MED13: variants seen among roughly 807,000 people sequenced by gnomAD.
MED13 encodes the protein mediator complex subunit 13.
In MED13, 23 loss-of-function variants were observed where a neutral mutation model predicts 225.2. The ratio of observed to expected loss-of-function variants is 0.10; its 90% CI spans 0.07 to 0.14. The LOEUF (loss-of-function observed/expected upper bound fraction) is 0.14. MED13 is among the 10% of genes least tolerant of loss of function. The probability of loss-of-function intolerance (pLI) is 1.00; values close to 1 mark genes in which losing one functional copy is unlikely to be tolerated. For missense variants in MED13, 2,197 were observed against 2,594.5 expected, an observed-to-expected ratio of 0.85 and a Z score of 3.33; for synonymous variants, 942 against 889.2, an observed-to-expected ratio of 1.06 and a Z score of -1.06.
At chr17:61,958,392 G>A (rs1476719027) in intron 23 of MED13, among the ~76,000 whole-genome samples, 1 of 151,862 alleles carries the variant, frequency 6.6e-6, no homozygotes, top group African/African-American at 2.4e-5. Context: ...AGGCTGGAGT[G>A]CAGTGGTGTG....
At chr17:61,954,895 C>A (rs147960201) in intron 26 of MED13, among the ~76,000 whole-genome samples, 1 of 152,308 alleles carries the variant, frequency 6.6e-6, no homozygotes, top group African/African-American at 2.4e-5. Context: ...TAAGTTACCA[C>A]AAACTGTTGG....
chr17:62,049,555 GTT>G (rs2143748312), intron 3 of MED13, among the ~76,000 whole-genome samples: 1 of 152,200 alleles, frequency 6.6e-6, no homozygotes, highest in South Asian at 2.1e-4. Flanking sequence ...ACAGGCAGGT[GTT>G]TACTAACTCA....
chr17:62,034,955 T>TA (rs977838693), intron 4 of MED13, among the ~76,000 whole-genome samples: 100 of 151,422 alleles, frequency 6.6e-4, no homozygotes, highest in African/African-American at 2.1e-3. Context: ...CCAGTTCTAC[T>TA]AAAAAAAATA....
intron 3 of MED13, among the ~76,000 whole-genome samples, chr17:62,044,469 T>A (rs1603408313): frequency 6.6e-6 from 1 of 152,224 alleles, no homozygotes; most frequent in Admixed American, 6.5e-5. Flanking sequence ...CTCTATGGAC[T>A]AAGTTTTTTA....
intron 8 of MED13, among the ~76,000 whole-genome samples, chr17:62,020,275 T>C (rs574848003): frequency 3.3e-5 from 5 of 152,278 alleles, no homozygotes; most frequent in African/African-American, 1.2e-4. Flanking sequence ...TATTGAGGTA[T>C]AACTTACAAT....
intron 8 of MED13, among the ~76,000 whole-genome samples, chr17:62,020,767 T>C (rs532178827): frequency 2.0e-5 from 3 of 149,490 alleles, no homozygotes; most frequent in South Asian, 4.2e-4. Context: ...AGGACAATAG[T>C]GGAGGGAAGG....
Position 62,050,479 on chromosome 17 carries a change from C to T in MED13, c.470+2058G>A, listed in dbSNP as rs910935997. Among the ~76,000 whole-genome samples the T allele has an allele frequency of 5.4e-5, 8 of 149,382 alleles. 1 individual carries two copies. The highest frequency in any genetic ancestry group is 2.0e-4 in the African/African-American group (8 of 40,598). ...TCTCAATAGAAAGTCAATAGAATTT[C>T]AATGGTAGGCTGTTGTGACCAAAAA... On this transcript the variant is annotated intron_variant, in intron 3 of 29. Coordinates refer to ENST00000397786, the MANE Select transcript of MED13 (RefSeq NM_005121.3).
In MED13 at chr17:61,984,719, T is replaced by C. The variant is rs1211084877; in HGVS notation, c.2623A>G (p.Ser875Gly). ...TCAATTTTGAACTGCGCTCCTATAC[T>C]AGAACTATTTCCTTCTAGAACAGTT... is the stretch of plus-strand genomic sequence containing the variant. ...GGTVLEGNSS[S>G]IGAQFKIEVD... Residue 875 changes from serine (S) to glycine (G), a missense_variant, in exon 14 of 30, where the codon AGT becomes GGT. By Grantham distance (56) the Ser-to-Gly change is moderately conservative. Coordinates refer to ENST00000397786, the MANE Select transcript of MED13 (RefSeq NM_005121.3). 1.2e-6 allele frequency: 2 copies of C among 1,614,036 alleles called. No individual in the cohort carries two copies. The highest frequency in any genetic ancestry group is 1.3e-5 in the African/African-American group (1 of 75,056).
In MED13 at chr17:61,992,603, T is replaced by C. The variant is rs974929312; in HGVS notation, c.2200A>G (p.Ser734Gly). 16 of 1,609,528 alleles carry C rather than the reference T, an allele frequency of 9.9e-6. No individual in the cohort carries two copies. The highest frequency in any genetic ancestry group is 1.3e-5 in the African/African-American group (1 of 74,980). ...TCTTCATGTGATAACACTGTTACAC[T>C]AGATGTCCCATCTTCTACCTGCAAA... is the stretch of plus-strand genomic sequence containing the variant. ...KKHKVEDGTS[S>G]VTVLSHEEDA... Residue 734 changes from serine to glycine, a missense_variant, in exon 11 of 30, where the codon AGT (serine) becomes GGT (glycine). Coordinates refer to ENST00000397786, the MANE Select transcript of MED13 (RefSeq NM_005121.3).
At chr17:61,968,738 C>T (rs2080081061) in intron 17 of MED13, among the ~76,000 whole-genome samples, 1 of 152,168 alleles carries the variant, frequency 6.6e-6, no homozygotes. Flanking sequence ...AAGGAATTTC[C>T]TAAACAAGTC....
intron 8 of MED13, among the ~76,000 whole-genome samples, chr17:62,022,494 AAG>A (rs1208919779): frequency 6.6e-6 from 1 of 152,084 alleles, no homozygotes; most frequent in Non-Finnish European, 1.5e-5. Context: ...TCTTTTAAAA[AAG>A]AGAGTTATCA....
chr17:61,975,285 C>T (rs1031011367), intron 16 of MED13, among the ~76,000 whole-genome samples: 5 of 151,948 alleles, frequency 3.3e-5, no homozygotes, highest in Admixed American at 6.6e-5. Context: ...ATTTTAAAAA[C>T]GGGCAAAAAA....
At chr17:62,053,227 A>G (rs2080970844) in intron 2 of MED13, among the ~76,000 whole-genome samples, 1 of 152,234 alleles carries the variant, frequency 6.6e-6, no homozygotes, top group Admixed American at 6.5e-5. Context: ...GTTGGCACAG[A>G]GCCTAACAAG....
chr17:61,980,940 G>A (rs183335499), intron 16 of MED13, among the ~76,000 whole-genome samples: 123 of 151,998 alleles, frequency 8.1e-4, no homozygotes, highest in Middle Eastern at 3.4e-3. Flanking sequence ...TGGGCAGGCT[G>A]GTCTCAAACT....
At chr17:62,039,485 G>C (rs1012182233) in intron 3 of MED13, among the ~76,000 whole-genome samples, 4 of 151,538 alleles carry the variant, frequency 2.6e-5, no homozygotes, top group Non-Finnish European at 5.9e-5. Flanking sequence ...GTTTTACCAT[G>C]TTGGCCAGGC....
rs1020805079 is a variant in MED13 at position 62,058,565 on chromosome 17, G to GT, written c.301+4501dup. On this transcript the variant is annotated intron_variant, in intron 2 of 29. Coordinates refer to ENST00000397786, the MANE Select transcript of MED13 (RefSeq NM_005121.3). ...AAAGAAAGAAAGAAAGAAAAAAGCT[G>GT]TAACCCCAAAGGAGTTTTATTCCCT... Among the ~76,000 whole-genome samples, 278 of 147,744 alleles carry GT rather than the reference G, an allele frequency of 1.9e-3. 3 individuals are homozygous for GT. Among genetic ancestry groups the GT allele is most frequent in the African/African-American group, 6.5e-3 (261 of 40,426 alleles).
intron 16 of MED13, among the ~76,000 whole-genome samples, chr17:61,975,002 A>G (rs961276627): frequency 7.9e-5 from 12 of 152,148 alleles, no homozygotes; most frequent in Non-Finnish European, 1.3e-4. Flanking sequence ...GAGATATGAA[A>G]AACAGGAAAG....
Position 61,982,183 on chromosome 17 carries a change from A to T in MED13, c.3805+15T>A. 1 of 1,578,326 alleles carries T rather than the reference A, an allele frequency of 6.3e-7. No individual in the cohort carries two copies. The highest frequency in any genetic ancestry group is 8.6e-7 in the Non-Finnish European group (1 of 1,164,214). On this transcript the variant is annotated intron_variant, in intron 16 of 29. Coordinates refer to ENST00000397786, the MANE Select transcript of MED13 (RefSeq NM_005121.3). ...AAATAAGCAAACAAAAAAGTATTTT[A>T]TTGGCATACTTTACCGTTTCTTTTG...
intron 10 of MED13, among the ~76,000 whole-genome samples, chr17:61,992,924 G>A (rs1250239241): frequency 2.6e-5 from 4 of 151,914 alleles, no homozygotes; most frequent in South Asian, 2.1e-4. Flanking sequence ...ATGCCACCAC[G>A]CCCAGCTAAT....
Sources: gnomAD v4.1 joint callset for allele counts (sites outside exome capture counted in the v4.1 genomes callset) on GRCh38, gnomAD v4.1.1 for gene constraint, MANE v1.5 for transcripts, NCBI Gene and HGNC (gene_info 2026-07-23, HGNC 2026-07-21) for gene names.